Variants in IL15RA observed in about 807,000 individuals in gnomAD.
IL15RA encodes interleukin-15 receptor subunit alpha.
IL15RA carries 26 observed loss-of-function variants against 24.2 expected under a neutral mutation model. That is an observed-to-expected ratio of 1.07 (90% CI 0.79 to 1.49). The LOEUF (loss-of-function observed/expected upper bound fraction) is 1.49. Among genes scored for constraint, IL15RA ranks in the 40% most tolerant of loss-of-function variants. The pLI, the probability that IL15RA is intolerant of heterozygous loss-of-function variation, is 0.00. For missense variants in IL15RA, 354 were observed against 356.4 expected, an observed-to-expected ratio of 0.99 and a Z score of 0.05; for synonymous variants, 166 against 157.6, an observed-to-expected ratio of 1.05 and a Z score of -0.40.
chr10:5,955,806 A>T lies in IL15RA; in HGVS notation c.692+573T>A, dbSNP rs8177725. 0.17 allele frequency among the ~76,000 whole-genome samples: 25,576 copies of T among 152,166 alleles called. 2,280 individuals carry two copies. Among genetic ancestry groups the T allele is most frequent in the Non-Finnish European group, 0.2 (13,601 of 67,968 alleles). On this transcript the variant is annotated intron_variant, in intron 6 of 6. Coordinates refer to ENST00000379977, the MANE Select transcript of IL15RA (RefSeq NM_002189.4). This position sits in a 1 kb window ranked among gnomAD's most constrained non-coding sequence, Gnocchi z 5.3. ...GGGTATCACAAGAAGAATGGGTAGGACTGCACGCGTTGGCCACCTGGTGCA... is the reference window on the plus strand; with the variant it reads ...GGGTATCACAAGAAGAATGGGTAGGTCTGCACGCGTTGGCCACCTGGTGCA...
Position 5,955,969 on chromosome 10 carries a change from G to A in IL15RA, c.692+410C>T, listed in dbSNP as rs556191723. On this transcript the variant is annotated intron_variant, in intron 6 of 6. Coordinates refer to ENST00000379977, the MANE Select transcript of IL15RA (RefSeq NM_002189.4). This position sits in a 1 kb window ranked among gnomAD's most constrained non-coding sequence, Gnocchi z 5.3. Reference sequence around the variant, plus strand: ...GTGAGAGCCGATGGCCAGGAAAGGCGTCCTTCTTGGGAGGGGGCATTCTGG... The same window carrying A: ...GTGAGAGCCGATGGCCAGGAAAGGCATCCTTCTTGGGAGGGGGCATTCTGG... 2.6e-5 allele frequency among the ~76,000 whole-genome samples: 4 copies of A among 152,274 alleles called. No individual in the cohort carries two copies. Among genetic ancestry groups the A allele is most frequent in the South Asian group, 2.1e-4 (1 of 4,824 alleles).
At position 5,958,338 on chromosome 10, in the gene IL15RA, G is replaced by T. The variant is rs1446879939; in HGVS notation, c.616+1416C>A. 1 of 449,858 alleles carries T rather than the reference G, an allele frequency of 2.2e-6. No homozygotes were observed. The highest frequency in any genetic ancestry group is 2.0e-5 in the African/African-American group (1 of 49,802). 27.9% of individuals were successfully genotyped at this position (449,858 alleles called of 1,614,324 possible). A position where few individuals can be genotyped will look rare whatever the true frequency, so the allele number is the denominator to read the frequency against. On this transcript the variant is annotated intron_variant, in intron 5 of 6. Transcript: ENST00000379977. The surrounding 1 kb of genome is among the most constrained non-coding windows in gnomAD (Gnocchi z 4.3). ...AGGATGCCTGGAAATCTGGTAGCAA[G>T]TGTTGCTTCCTTCCTGCAAGGGGAT...
chr10:5,971,860 G>A lies in IL15RA; in HGVS notation c.89-5521C>T, dbSNP rs1791977879. 6.6e-6 allele frequency among the ~76,000 whole-genome samples: 1 copy of A among 152,156 alleles called. No individual in the cohort carries two copies. Among genetic ancestry groups the A allele is most frequent in the African/African-American group, 2.4e-5 (1 of 41,444 alleles). ...CTCAGACTCATTAACTGAGCTTCCT[G>A]ACCCACCTCTTGTGTGCCAGGTGAA... On this transcript the variant is annotated intron_variant, in intron 1 of 6. Coordinates refer to ENST00000379977, the MANE Select transcript of IL15RA (RefSeq NM_002189.4). This position sits in a 1 kb window ranked among gnomAD's most constrained non-coding sequence, Gnocchi z 5.5.
At chr10:5,949,615 A>T (rs907859266), downstream of IL15RA, among the ~76,000 whole-genome samples, 3 of 152,178 alleles carry the variant, frequency 2.0e-5, no homozygotes, top group Non-Finnish European at 4.4e-5. This position sits in a 1 kb window ranked among gnomAD's most constrained non-coding sequence, Gnocchi z 4.4. Flanking sequence ...GGGGGTGAGC[A>T]GTGAGAAACA....
downstream of IL15RA, among the ~76,000 whole-genome samples, chr10:5,951,832 AT>A (rs998841458): frequency 5.9e-5 from 9 of 151,946 alleles, no homozygotes; most frequent in African/African-American, 2.2e-4. Context: ...CAAGAAAAAA[AT>A]TTTTTTTATA....
chr10:5,965,250 C>T lies in IL15RA; in HGVS notation c.283+895G>A, dbSNP rs1267076345. Reference sequence around the variant, plus strand: ...GTTAAAAAAAAAAGTTGATTCTTGCCACCTTCCCTCACCCCTGCTGGACAC... The same window carrying T: ...GTTAAAAAAAAAAGTTGATTCTTGCTACCTTCCCTCACCCCTGCTGGACAC... On this transcript the variant is annotated intron_variant, in intron 2 of 6. Coordinates refer to ENST00000379977, the MANE Select transcript of IL15RA (RefSeq NM_002189.4). The surrounding 1 kb of genome is among the most constrained non-coding windows in gnomAD (Gnocchi z 5.8). Among the ~76,000 whole-genome samples the T allele has an allele frequency of 6.6e-6, 1 of 152,138 alleles. No homozygotes were observed. The highest frequency in any genetic ancestry group is 1.5e-5 in the Non-Finnish European group (1 of 68,010).
In IL15RA at chr10:5,966,037, G is replaced by A; in HGVS notation, c.283+108C>T. The stretch of plus-strand genomic sequence containing the variant: ...TGCCCGGCCCCCACTGGTGTGTTTA[G>A]CCTCAGACCTCAGCACAGATCCCTT... On this transcript the variant is annotated intron_variant, in intron 2 of 6. Coordinates refer to ENST00000379977, the MANE Select transcript of IL15RA (RefSeq NM_002189.4). The surrounding 1 kb of genome is among the most constrained non-coding windows in gnomAD (Gnocchi z 6.4). 3.9e-6 allele frequency: 3 copies of A among 770,772 alleles called. No individual in the cohort carries two copies. The South Asian group carries it at 5.5e-5, about 14-fold the overall frequency. The allele number at this position is 770,772 out of a possible 1,614,324, so 47.7% of individuals were successfully genotyped here.
At position 5,952,902 on chromosome 10, in the gene IL15RA, T is replaced by A. The variant is rs942785061; in HGVS notation, c.*193A>T. ...ACGACAGGCAGGCAGGTGGTGCCCA[T>A]GGGAATGCGGAGAACCTGCTCCCTC... On this transcript the variant is annotated 3_prime_UTR_variant, in exon 7 of 7. Coordinates refer to ENST00000379977, the MANE Select transcript of IL15RA (RefSeq NM_002189.4). 1.6e-6 allele frequency: 1 copy of A among 609,212 alleles called. No homozygotes were observed. The highest frequency in any genetic ancestry group is 1.9e-5 in the African/African-American group (1 of 53,910). 37.7% of individuals were successfully genotyped at this position (609,212 alleles called of 1,614,324 possible). A position where few individuals can be genotyped will look rare whatever the true frequency, so the allele number is the denominator to read the frequency against.
rs898540563 is a variant in IL15RA at position 5,964,893 on chromosome 10, C to T, written c.284-1052G>A. On this transcript the variant is annotated intron_variant, in intron 2 of 6. Transcript: ENST00000379977. The surrounding 1 kb of genome is among the most constrained non-coding windows in gnomAD (Gnocchi z 5.6). The stretch of plus-strand genomic sequence containing the variant: ...ATGCCACGGGGTGCTGTGTCCCCAG[C>T]GAGTGATTTCTTGGAACAAGTCGGA... 6.6e-6 allele frequency among the ~76,000 whole-genome samples: 1 copy of T among 152,234 alleles called. No individual in the cohort carries two copies. The highest frequency in any genetic ancestry group is 2.4e-5 in the African/African-American group (1 of 41,466).
intron 6 of IL15RA, among the ~76,000 whole-genome samples, chr10:5,954,338 A>C (rs1834221340): frequency 6.6e-6 from 1 of 152,040 alleles, no homozygotes; most frequent in South Asian, 2.1e-4. Context: ...GGTCACAAAA[A>C]AAGCGATGCA....
Position 5,970,359 on chromosome 10 carries a change from G to A in IL15RA, c.89-4020C>T, listed in dbSNP as rs1332652189. On this transcript the variant is annotated intron_variant, in intron 1 of 6. Coordinates refer to ENST00000379977, the MANE Select transcript of IL15RA (RefSeq NM_002189.4). This position sits in a 1 kb window ranked among gnomAD's most constrained non-coding sequence, Gnocchi z 4.1. ...CATATGTTATACCCCATGACACATT[G>A]TTATTATTTTGCTTTAAACAGTTGA... Among the ~76,000 whole-genome samples the A allele has an allele frequency of 6.6e-6, 1 of 152,110 alleles. No individual in the cohort carries two copies. Among genetic ancestry groups the A allele is most frequent in the East Asian group, 1.9e-4 (1 of 5,196 alleles).
intron 1 of IL15RA, among the ~76,000 whole-genome samples, chr10:5,972,791 A>T (rs932631189): frequency 2.0e-5 from 3 of 152,232 alleles, no homozygotes; most frequent in Non-Finnish European, 4.4e-5. Context: ...TTTAAAATTT[A>T]TGTTGATTTT....
chr10:5,969,874 C>G (rs1170645335), intron 1 of IL15RA, among the ~76,000 whole-genome samples: 1 of 152,186 alleles, frequency 6.6e-6, no homozygotes, highest in African/African-American at 2.4e-5. Flanking sequence ...TTTCAGCGTG[C>G]CAGCCTTGTA....
upstream of IL15RA, among the ~76,000 whole-genome samples, chr10:5,978,673 A>C (rs970813008): frequency 3.9e-5 from 6 of 152,346 alleles, no homozygotes; most frequent in African/African-American, 1.4e-4. This position sits in a 1 kb window ranked among gnomAD's most constrained non-coding sequence, Gnocchi z 5.2. Context: ...AGGCAGGTGG[A>C]TCGCCTGAAG....
chr10:5,954,231 G>A (rs912296646), intron 6 of IL15RA, among the ~76,000 whole-genome samples: 1 of 145,382 alleles, frequency 6.9e-6, no homozygotes, highest in Non-Finnish European at 1.5e-5. Context: ...GAGTGCAGTG[G>A]TGTGATGCTG....
chr10:5,957,944 T>C (rs1252797528), intron 5 of IL15RA, among the ~76,000 whole-genome samples: 1 of 152,186 alleles, frequency 6.6e-6, no homozygotes, highest in Non-Finnish European at 1.5e-5. Flanking sequence ...TTATAGATTA[T>C]AGCCCATCAT....
downstream of IL15RA, among the ~76,000 whole-genome samples, chr10:5,949,641 C>A (rs1040426434): frequency 2.6e-5 from 4 of 152,112 alleles, no homozygotes; most frequent in Non-Finnish European, 5.9e-5. The surrounding 1 kb of genome is among the most constrained non-coding windows in gnomAD (Gnocchi z 4.4). Context: ...TCTTTTGATC[C>A]CTGCTCTCCC....
chr10:5,952,870 C>T lies in IL15RA; in HGVS notation c.*225G>A, dbSNP rs8177745. The T allele has an allele frequency of 1.5e-3, 869 of 599,048 alleles. 7 individuals carry two copies. The African/African-American group carries it at 0.015, about 10-fold the overall frequency. The allele number at this position is 599,048 out of a possible 1,614,324, so 37.1% of individuals were successfully genotyped here. On this transcript the variant is annotated 3_prime_UTR_variant, in exon 7 of 7. Transcript: ENST00000379977. ...TCTCCTGGGAAGCTGGGCCCTGGGT[C>T]CAAGGCACGACAGGCAGGCAGGTGG...
At chr10:5,949,066 T>C (rs1833692300), downstream of IL15RA, 2 of 358,530 alleles carry the variant, frequency 5.6e-6, no homozygotes, top group South Asian at 4.2e-5. This position sits in a 1 kb window ranked among gnomAD's most constrained non-coding sequence, Gnocchi z 4.4. Context: ...GAGGATTCAC[T>C]GGGCTTAGCA....
Sources: allele counts gnomAD v4.1 joint callset (sites outside exome capture counted in the v4.1 genomes callset), GRCh38; gene constraint gnomAD v4.1.1; non-coding constraint Gnocchi (gnomAD v3.1); transcripts MANE v1.5; gene names NCBI Gene and HGNC (gene_info 2026-07-23, HGNC 2026-07-21).